The following NRL variants were observed in gnomAD, a reference collection of about 807,000 sequenced individuals.
The protein encoded by NRL is neural retina-specific leucine zipper protein.
Under a neutral mutation model 12.5 loss-of-function variants are expected in NRL, and 16 were observed. The ratio of observed to expected loss-of-function variants is 1.28; its 90% CI spans 0.87 to 1.95. The LOEUF (loss-of-function observed/expected upper bound fraction) is 1.95. Ranked by LOEUF, NRL falls within the 30% of genes most tolerant of loss-of-function variation. The pLI, the probability that NRL is intolerant of heterozygous loss-of-function variation, is 0.00. For synonymous variants in NRL, 142 were observed against 150.9 expected, an observed-to-expected ratio of 0.94 and a Z score of 0.43; for missense variants, 314 against 325.8, an observed-to-expected ratio of 0.96 and a Z score of 0.28.
At chr14:24,099,287 G>T in intron 1 of NRL, 1 of 1,524,564 alleles carries the variant, frequency 6.6e-7, no homozygotes, top group South Asian at 1.2e-5. Context: ...GGCAGGGGTG[G>T]GGCCTGGCCA....
intron 1 of NRL, among the ~76,000 whole-genome samples, chr14:24,092,967 C>G (rs1566568529): frequency 6.6e-6 from 1 of 152,228 alleles, no homozygotes; most frequent in East Asian, 1.9e-4. Flanking sequence ...ACCAGCTCAG[C>G]AACTCAGCAG....
At position 24,085,044 on chromosome 14, in the gene NRL, G is replaced by A. The variant is rs1393925015; in HGVS notation, c.-27-2169C>T. 1.3e-5 allele frequency among the ~76,000 whole-genome samples: 2 copies of A among 152,180 alleles called. No individual in the cohort carries two copies. Among genetic ancestry groups the A allele is most frequent in the Non-Finnish European group, 1.5e-5 (1 of 68,000 alleles). On this transcript the variant is annotated intron_variant, in intron 1 of 2. Transcript: ENST00000561028. The surrounding 1 kb of genome is among the most constrained non-coding windows in gnomAD (Gnocchi z 4.1). Reference sequence around the variant, plus strand: ...CTTTGGAGACTATAAGCTCTCCCACGCCCACTCTCACCGGGCCTTTTGGAT... The same window carrying A: ...CTTTGGAGACTATAAGCTCTCCCACACCCACTCTCACCGGGCCTTTTGGAT...
intron 1 of NRL, among the ~76,000 whole-genome samples, chr14:24,109,937 G>A (rs1280188770): frequency 6.6e-6 from 1 of 151,984 alleles, no homozygotes; most frequent in African/African-American, 2.4e-5. Context: ...GAAGAGAAAA[G>A]AGAATCAAAA....
chr14:24,103,555 G>A, intron 1 of NRL: 3 of 1,567,162 alleles, frequency 1.9e-6, no homozygotes, highest in Non-Finnish European at 1.7e-6. Flanking sequence ...CCCTTTTTTG[G>A]CTACAACTTC....
intron 1 of NRL, chr14:24,098,377 C>T (rs746695245): frequency 5.6e-6 from 9 of 1,611,788 alleles, no homozygotes; most frequent in Non-Finnish European, 6.8e-6. Context: ...GGTTTCCAGG[C>T]TGCATGCAGG....
At chr14:24,105,209 A>C (rs2037317916) in intron 1 of NRL, among the ~76,000 whole-genome samples, 1 of 152,284 alleles carries the variant, frequency 6.6e-6, no homozygotes, top group Non-Finnish European at 1.5e-5. Flanking sequence ...TAAGGCACAG[A>C]TCGCTCATGC....
At chr14:24,098,352 G>T in intron 1 of NRL, 1 of 1,613,476 alleles carries the variant, frequency 6.2e-7, no homozygotes, top group Non-Finnish European at 8.5e-7. Flanking sequence ...GATTTCCAGC[G>T]AGCTGTGGAT....
At chr14:24,091,187 G>A (rs1197088366) in intron 1 of NRL, among the ~76,000 whole-genome samples, 3 of 151,414 alleles carry the variant, frequency 2.0e-5, no homozygotes, top group Non-Finnish European at 4.4e-5. Flanking sequence ...GTCTCACTGT[G>A]TTGCCCAGGC....
rs1216723138 is a variant in NRL, at chr14:24,082,495, T to C, written c.354A>G (p.Pro118=). ...DGPHGYYPGS[P]EETGAQHVQL... is the part of the protein sequence containing the mutation. ...GGACGTGCTGGGCTCCTGTCTCCTC[T>C]GGGCTCCCTGGGTAGTAGCCATGGG... Residue 118 remains proline (P), a synonymous_variant, in exon 2 of 3, where the codon CCA becomes CCG. Coordinates refer to ENST00000561028, the MANE Select transcript of NRL (RefSeq NM_001354768.3). 6.2e-7 allele frequency: 1 copy of C among 1,612,848 alleles called. No homozygotes were observed. The highest frequency in any genetic ancestry group is 8.5e-7 in the Non-Finnish European group (1 of 1,180,032).
Position 24,103,215 on chromosome 14 carries a change from C to T in NRL, c.-28+11507G>A, listed in dbSNP as rs1049854. On this transcript the variant is annotated intron_variant, in intron 1 of 2. Coordinates refer to ENST00000561028, the MANE Select transcript of NRL (RefSeq NM_001354768.3). The stretch of plus-strand genomic sequence containing the variant: ...GGCGTCATGGGGTGTTTGTGGGCAG[C>T]GCCATGCGCTCTGAGTCCACTGCTG... 37 of 1,613,920 alleles carry T rather than the reference C, an allele frequency of 2.3e-5. No homozygotes were observed. The highest frequency in any genetic ancestry group is 6.7e-5 in the African/African-American group (5 of 74,928).
In NRL at chr14:24,094,710, TCTC is replaced by T. The variant is rs141268066; in HGVS notation, c.-27-11838_-27-11836del. ...TCTGCCACTCTCAGAACTTCCTCTC[TCTC>T]CTCGCTCCTCTCTGCTGAGCCAGGT... On this transcript the variant is annotated intron_variant, in intron 1 of 2. Transcript: ENST00000561028. The surrounding 1 kb of genome is among the most constrained non-coding windows in gnomAD (Gnocchi z 4.1). The T allele has an allele frequency of 1.4e-3, 2,173 of 1,508,770 alleles. 35 individuals are homozygous for T. The African/African-American group carries it at 0.027, about 19-fold the overall frequency. The allele number at this position is 1,508,770 out of a possible 1,614,324, so 93.5% of individuals were successfully genotyped here.
intron 1 of NRL, chr14:24,100,471 A>AG: frequency 1.2e-6 from 1 of 852,586 alleles, no homozygotes; most frequent in Non-Finnish European, 1.7e-6. Context: ...TAGTTGTGAT[A>AG]GTACCTATCT....
Position 24,094,383 on chromosome 14 carries a change from C to T in NRL, c.-27-11508G>A. ...CCGGCTCCGCTCGGTTCCTGGCCAC[C>T]CCGCAGCCCCTGCCCAGGTGCCATG... On this transcript the variant is annotated intron_variant, in intron 1 of 2. Coordinates refer to ENST00000561028, the MANE Select transcript of NRL (RefSeq NM_001354768.3). The surrounding 1 kb of genome is among the most constrained non-coding windows in gnomAD (Gnocchi z 4.1). 6.5e-7 allele frequency: 1 copy of T among 1,548,056 alleles called. No individual in the cohort carries two copies. Among genetic ancestry groups the T allele is most frequent in the Non-Finnish European group, 8.7e-7 (1 of 1,150,528 alleles).
intron 1 of NRL, chr14:24,084,613 C>T: frequency 1.0e-6 from 1 of 985,480 alleles, no homozygotes; most frequent in Non-Finnish European, 1.2e-6. Context: ...GGCCTGGTGC[C>T]TCTGCTCAGC....
rs115195566 is a variant in NRL, at chr14:24,109,725, C to T, written c.-28+4997G>A. ...AAAAAAAAAAAAAAAATCTTTTATA[C>T]GCAAAAAAATTAATCAATGAATCCA... On this transcript the variant is annotated intron_variant, in intron 1 of 2. Transcript: ENST00000561028. Among the ~76,000 whole-genome samples the T allele has an allele frequency of 6.1e-3, 926 of 151,158 alleles. 8 individuals carry two copies. Among genetic ancestry groups the T allele is most frequent in the African/African-American group, 0.021 (878 of 41,198 alleles).
chr14:24,087,860 TG>T lies in NRL; in HGVS notation c.-27-4986del, dbSNP rs2036503367. On this transcript the variant is annotated intron_variant, in intron 1 of 2. Coordinates refer to ENST00000561028, the MANE Select transcript of NRL (RefSeq NM_001354768.3). ...GGAAGGCCAAGATGGGTGGATCGCTTGAGCCCAGAAGTTCGACACCAGCCTG... is the reference window on the plus strand; with the variant it reads ...GGAAGGCCAAGATGGGTGGATCGCTTAGCCCAGAAGTTCGACACCAGCCTG... Among the ~76,000 whole-genome samples the T allele has an allele frequency of 2.0e-5, 3 of 152,230 alleles. No individual in the cohort carries two copies. The South Asian group carries it at 6.2e-4, about 32-fold the overall frequency.
At chr14:24,108,204 G>T (rs756934204) in intron 1 of NRL, among the ~76,000 whole-genome samples, 1 of 152,126 alleles carries the variant, frequency 6.6e-6, no homozygotes, top group Non-Finnish European at 1.5e-5. Flanking sequence ...GGGAAATGGC[G>T]TTTTAAGACC....
At position 24,098,304 on chromosome 14, in the gene NRL, G is replaced by A. The variant is rs1406489869; in HGVS notation, c.-27-15429C>T. 6.2e-7 allele frequency: 1 copy of A among 1,614,126 alleles called. No homozygotes were observed. Among genetic ancestry groups the A allele is most frequent in the Non-Finnish European group, 8.5e-7 (1 of 1,179,988 alleles). On this transcript the variant is annotated intron_variant, in intron 1 of 2. Coordinates refer to ENST00000561028, the MANE Select transcript of NRL (RefSeq NM_001354768.3). ...GACACGGTACCACTCCCGCCTGGTG[G>A]GGCCCGTGGGCAGCTGGGCAACTGG...
intron 1 of NRL, among the ~76,000 whole-genome samples, chr14:24,108,412 A>G (rs1254715034): frequency 6.6e-6 from 1 of 152,052 alleles, no homozygotes; most frequent in Non-Finnish European, 1.5e-5. Context: ...ATCACAGCTC[A>G]CTGCAGCCTT....
Sources: gnomAD v4.1 joint callset for allele counts (sites outside exome capture counted in the v4.1 genomes callset) on GRCh38, gnomAD v4.1.1 for gene constraint, Gnocchi (gnomAD v3.1) non-coding constraint, MANE v1.5 for transcripts, NCBI Gene and HGNC (gene_info 2026-07-23, HGNC 2026-07-21) for gene names.